The following ARHGEF6 variants were observed in gnomAD, a reference collection of about 807,000 sequenced individuals.
ARHGEF6 encodes the protein rho guanine nucleotide exchange factor 6.
A neutral mutation model predicts 70.3 loss-of-function variants in ARHGEF6; 9 were observed. The ratio of observed to expected loss-of-function variants is 0.13; its 90% CI spans 0.08 to 0.22. ARHGEF6 has a LOEUF of 0.22. Among genes scored for constraint, ARHGEF6 ranks in the 10% least tolerant of loss-of-function variants. The pLI is 1.00. For missense variants in ARHGEF6, 470 were observed against 563.0 expected (o/e 0.83, Z 1.67); for synonymous variants, 201 against 207.8 (o/e 0.97, Z 0.28).
At chrX:136,777,841 C>T (rs1427663166) in intron 2 of ARHGEF6, among the ~76,000 whole-genome samples, 1 of 109,657 alleles carries the variant, frequency 9.1e-6, no homozygotes, top group Non-Finnish European at 1.9e-5. Flanking sequence ...TTCACGACAA[C>T]CTGGGTGGAG....
At chrX:136,732,357 A>G (rs1384394640) in intron 5 of ARHGEF6, among the ~76,000 whole-genome samples, 185 bp from the exon 6 acceptor site, 1 of 112,053 alleles carries the variant, frequency 8.9e-6, no homozygotes. Context: ...CTTCTTGTCT[A>G]GACCCCTCAA....
intron 9 of ARHGEF6, among the ~76,000 whole-genome samples, chrX:136,691,499 T>C (rs1603337972): frequency 8.9e-6 from 1 of 112,533 alleles, no homozygotes; most frequent in African/African-American, 3.2e-5. Flanking sequence ...TATTGAGTCC[T>C]GGGGCTGCAA....
intron 1 of ARHGEF6, among the ~76,000 whole-genome samples, chrX:136,779,951 T>G (rs1370279298): frequency 8.9e-6 from 1 of 112,282 alleles, no homozygotes; most frequent in African/African-American, 3.2e-5. Flanking sequence ...TTTAAGAAAT[T>G]ATAAGTAAAT....
chrX:136,700,576 G>A (rs976368975), intron 9 of ARHGEF6, among the ~76,000 whole-genome samples: 2 of 109,402 alleles, frequency 1.8e-5, no homozygotes, highest in Non-Finnish European at 3.8e-5. Context: ...GAGAAGGAAA[G>A]GAAACAAAAA....
chrX:136,737,683 G>A (rs141198814), intron 5 of ARHGEF6, among the ~76,000 whole-genome samples: 1,140 of 96,737 alleles, frequency 0.012, 25 homozygotes, highest in African/African-American at 0.045. Context: ...GTGAGATCCC[G>A]TGTTAAAAAA....
chrX:136,770,733 C>T (rs940117811), intron 2 of ARHGEF6, among the ~76,000 whole-genome samples: 5 of 113,038 alleles, frequency 4.4e-5, no homozygotes, highest in African/African-American at 1.6e-4. Flanking sequence ...CCGTGGCTCA[C>T]ACCTGTAATC....
At chrX:136,676,029 C>T (rs977359494) in intron 18 of ARHGEF6, among the ~76,000 whole-genome samples, 5 of 112,122 alleles carry the variant, frequency 4.5e-5, no homozygotes, top group African/African-American at 1.6e-4. Context: ...CTGATACACA[C>T]AATTCTGTCA....
intron 2 of ARHGEF6, among the ~76,000 whole-genome samples, chrX:136,751,710 T>TATC (rs975140912): frequency 1.8e-5 from 2 of 111,176 alleles, no homozygotes; most frequent in Admixed American, 9.6e-5. Context: ...GAGAAGGTAC[T>TATC]ATCTATGAAT....
chrX:136,774,834 AC>A (rs1411832753), intron 2 of ARHGEF6, among the ~76,000 whole-genome samples: 1 of 109,737 alleles, frequency 9.1e-6, no homozygotes, highest in Non-Finnish European at 1.9e-5. Context: ...ACACACACAG[AC>A]CCACACATAA....
chrX:136,674,868 C>G, intron 19 of ARHGEF6, 139 bp downstream of exon 19: 1 of 556,452 alleles, frequency 1.8e-6, no homozygotes, highest in Non-Finnish European at 3.1e-6. Flanking sequence ...AGATGCAGTC[C>G]TGCACCACTC....
chrX:136,685,774 A>T lies in ARHGEF6; in HGVS notation c.1295T>A (p.Leu432Gln). The T allele has an allele frequency of 8.3e-7, 1 of 1,211,545 alleles. No homozygotes were observed. Among genetic ancestry groups the T allele is most frequent in the Non-Finnish European group, 1.1e-6 (1 of 895,269 alleles). Residue 432 changes from leucine (L) to glutamine (Q), a missense_variant, in exon 12 of 22, where the codon CTG (leucine) becomes CAG (glutamine). By Grantham distance (113) the Leu-to-Gln change is moderately radical (BLOSUM62 -2). Coordinates refer to ENST00000250617, the MANE Select transcript of ARHGEF6 (RefSeq NM_004840.3). ...RKRKQLELQILSEPIQAWEGE... is the reference protein window; with the variant it reads ...RKRKQLELQIQSEPIQAWEGE... ...TTCCCATGCCTGAATAGGTTCGGAC[A>T]GTATCTGTAACTCCAGCTGTTTTCT...
intron 2 of ARHGEF6, among the ~76,000 whole-genome samples, chrX:136,749,106 AGT>A (rs767444249): frequency 1.8e-5 from 2 of 112,387 alleles, no homozygotes; most frequent in African/African-American, 6.5e-5. Context: ...ATTACTAAAG[AGT>A]TAAACAACAA....
intron 21 of ARHGEF6, among the ~76,000 whole-genome samples, chrX:136,668,536 A>C (rs113585324): frequency 0.28 from 23,239 of 81,757 alleles, 2,662 homozygotes; most frequent in African/African-American, 0.45. Context: ...TCTTCTTCTT[A>C]TTATTATTAT....
At chrX:136,708,854 G>T in intron 7 of ARHGEF6, 84 bp from the exon 8 acceptor site, 1 of 675,809 alleles carries the variant, frequency 1.5e-6, no homozygotes, top group Non-Finnish European at 2.3e-6. Context: ...ATAAAAGGGA[G>T]GTAATACCTA....
At position 136,667,917 on chromosome X, in the gene ARHGEF6, G is replaced by T; in HGVS notation, c.*112C>A. On this transcript the variant is annotated 3_prime_UTR_variant, in exon 22 of 22. Coordinates refer to ENST00000250617, the MANE Select transcript of ARHGEF6 (RefSeq NM_004840.3). Reference sequence around the variant, plus strand: ...GAGAAGAGAGAGGGAGAGAGAGAGAGAGACTCAAACACAAAACAAAAGCCA... The same window carrying T: ...GAGAAGAGAGAGGGAGAGAGAGAGATAGACTCAAACACAAAACAAAAGCCA... The T allele has an allele frequency of 1.0e-6, 1 of 979,547 alleles. No individual in the cohort carries two copies. Among genetic ancestry groups the T allele is most frequent in the African/African-American group, 1.9e-5 (1 of 53,120 alleles). The allele number at this position is 979,547 out of a possible 1,213,427, so 80.7% of individuals were successfully genotyped here.
chrX:136,750,284 T>C, intron 2 of ARHGEF6, among the ~76,000 whole-genome samples: 1 of 112,554 alleles, frequency 8.9e-6, no homozygotes, highest in South Asian at 3.6e-4. Flanking sequence ...CACTGGAACT[T>C]GTTAAAAAGG....
intron 2 of ARHGEF6, among the ~76,000 whole-genome samples, chrX:136,765,511 G>C (rs766086130): frequency 8.9e-6 from 1 of 111,924 alleles, no homozygotes; most frequent in Non-Finnish European, 1.9e-5. Context: ...ACCATCCTTT[G>C]AAAAACTCTC....
intron 2 of ARHGEF6, among the ~76,000 whole-genome samples, chrX:136,773,713 A>C (rs760459709): frequency 6.2e-5 from 7 of 112,103 alleles, no homozygotes; most frequent in African/African-American, 2.3e-4. Flanking sequence ...TACAGCAGAT[A>C]CTATTAATGT....
intron 9 of ARHGEF6, among the ~76,000 whole-genome samples, chrX:136,706,085 C>T (rs1442277560): frequency 1.8e-5 from 2 of 111,888 alleles, no homozygotes; most frequent in Non-Finnish European, 3.8e-5. Flanking sequence ...CATATGACTT[C>T]AAAGGTAAAA....
Sources: gnomAD v4.1 joint callset for allele counts (sites outside exome capture counted in the v4.1 genomes callset) on GRCh38, gnomAD v4.1.1 for gene constraint, MANE v1.5 for transcripts, NCBI Gene and HGNC (gene_info 2026-07-23, HGNC 2026-07-21) for gene names.